Variants in MYZAP observed in about 807,000 individuals in gnomAD.
The protein encoded by MYZAP is myocardial zonula adherens protein.
MYZAP carries 66 observed loss-of-function variants against 69.4 expected under a neutral mutation model. That is an observed-to-expected ratio of 0.95 (90% confidence interval 0.78 to 1.17). The LOEUF is 1.17. Among genes scored for constraint, MYZAP ranks in the 50% most tolerant of loss-of-function variants. The pLI, the probability that MYZAP is intolerant of heterozygous loss-of-function variation, is 0.00. For missense variants in MYZAP, 611 were observed against 556.2 expected, an observed-to-expected ratio of 1.10 and a Z score of -0.99; for synonymous variants, 256 against 205.9, an observed-to-expected ratio of 1.24 and a Z score of -2.09.
chr15:57,670,440 A>T (rs2038815127), intron 11 of MYZAP, among the ~76,000 whole-genome samples: 1 of 152,080 alleles, frequency 6.6e-6, no homozygotes, highest in Non-Finnish European at 1.5e-5. Flanking sequence ...CGTGCTATAT[A>T]TTATTCCAGC....
intron 8 of MYZAP, among the ~76,000 whole-genome samples, chr15:57,636,608 G>T (rs567705834): frequency 6.6e-6 from 1 of 152,150 alleles, no homozygotes; most frequent in Non-Finnish European, 1.5e-5. Context: ...ATTAGTGAGC[G>T]TTATTTGATA....
intron 1 of MYZAP, among the ~76,000 whole-genome samples, chr15:57,598,023 C>T (rs1367678982): frequency 6.6e-6 from 1 of 152,196 alleles, no homozygotes; most frequent in East Asian, 1.9e-4. Context: ...GGCTAATTTC[C>T]TTAGGGAAAT....
intron 3 of MYZAP, among the ~76,000 whole-genome samples, chr15:57,618,921 G>A (rs187823000): frequency 1.3e-5 from 2 of 152,314 alleles, no homozygotes; most frequent in Non-Finnish European, 2.9e-5. Flanking sequence ...TTACAGACCA[G>A]TGGCTTAGAA....
intron 1 of MYZAP, among the ~76,000 whole-genome samples, chr15:57,602,235 C>T (rs1029092831): frequency 6.6e-6 from 1 of 152,160 alleles, no homozygotes; most frequent in Non-Finnish European, 1.5e-5. Context: ...TGAAAACTAC[C>T]ACAACGCCAT....
At chr15:57,677,203 G>A (rs1595943536) in intron 12 of MYZAP, among the ~76,000 whole-genome samples, 2 of 152,330 alleles carry the variant, frequency 1.3e-5, no homozygotes, top group East Asian at 3.9e-4. Context: ...GGATGAGGAG[G>A]GTTAGTGAGC....
intron 3 of MYZAP, among the ~76,000 whole-genome samples, chr15:57,620,544 T>C (rs1356028801): frequency 6.6e-6 from 1 of 152,256 alleles, no homozygotes; most frequent in Non-Finnish European, 1.5e-5. Context: ...TTTAAGGTCC[T>C]GCTAGCCCTC....
chr15:57,612,307 C>T (rs1214819806), intron 2 of MYZAP, among the ~76,000 whole-genome samples: 10 of 152,244 alleles, frequency 6.6e-5, no homozygotes, highest in Non-Finnish European at 1.2e-4. Context: ...GACCAGCTGC[C>T]CCTCCTGGCT....
At chr15:57,674,649 A>C (rs1277094677) in intron 11 of MYZAP, among the ~76,000 whole-genome samples, 8 of 152,258 alleles carry the variant, frequency 5.3e-5, no homozygotes, top group Non-Finnish European at 1.2e-4. Flanking sequence ...TGTTGACATA[A>C]AAAGAAAACT....
In MYZAP at chr15:57,632,541, T is replaced by C. The variant is rs2036569924; in HGVS notation, c.786T>C (p.Ala262=). The change falls in exon 7 of 13, where the codon GCT becomes GCC. Residue 262 remains alanine (A), a synonymous_variant. Transcript: ENST00000267853. ...AGGAAGAACAGAGGAAGCACAGTGC[T>C]GAGAAGGAGGCTCTTTTGGTGTGTG... is the stretch of plus-strand genomic sequence containing the variant. ...KLQEEQRKHS[A]EKEALLEETN... 2 of 1,614,180 alleles carry C rather than the reference T, an allele frequency of 1.2e-6. No individual in the cohort carries two copies. The highest frequency in any genetic ancestry group is 1.3e-5 in the African/African-American group (1 of 75,058).
chr15:57,602,057 A>G (rs534862779), intron 1 of MYZAP, among the ~76,000 whole-genome samples: 1 of 152,112 alleles, frequency 6.6e-6, no homozygotes, highest in Non-Finnish European at 1.5e-5. Flanking sequence ...GGTTTCTTCA[A>G]AGGTGGGCAG....
Position 57,603,799 on chromosome 15 carries a change from A to T in MYZAP, c.76-470A>T, listed in dbSNP as rs568869809. Among the ~76,000 whole-genome samples the T allele has an allele frequency of 5.3e-5, 8 of 152,294 alleles. No individual in the cohort carries two copies. In the South Asian group the frequency reaches 1.2e-3, roughly 24 times the overall value. ...GGATAATGCTGCTATGAACATGGGT[A>T]TATGGACTTTTTTGAAAAAAAGTTG... On this transcript the variant is annotated intron_variant, in intron 1 of 12. Transcript: ENST00000267853.
intron 11 of MYZAP, among the ~76,000 whole-genome samples, chr15:57,672,930 A>G (rs182098945): frequency 1.3e-5 from 2 of 152,158 alleles, no homozygotes; most frequent in East Asian, 3.9e-4. Context: ...ACATCGTTCT[A>G]TTATTTGCTG....
intron 8 of MYZAP, among the ~76,000 whole-genome samples, chr15:57,635,092 T>A (rs1206931484): frequency 3.3e-5 from 5 of 152,086 alleles, no homozygotes; most frequent in African/African-American, 1.2e-4. Flanking sequence ...AAACCACAGG[T>A]AGTGGTCATG....
Position 57,647,037 on chromosome 15 carries a change from A to G in MYZAP, c.1119+7492A>G, listed in dbSNP as rs553981594. The G allele has an allele frequency of 1.9e-3, 1,870 of 985,330 alleles. 3 individuals are homozygous for G. The highest frequency in any genetic ancestry group is 2.1e-3 in the Non-Finnish European group (1,771 of 829,930). The allele number at this position is 985,330 out of a possible 1,614,324, so 61.0% of individuals were successfully genotyped here. ...GGCATGAGTCTACATAAGCTGGGAG[A>G]TGGGGCTCGTGGAGTGAGTGCGTTC... is the stretch of plus-strand genomic sequence containing the variant. On this transcript the variant is annotated intron_variant, in intron 10 of 12. Transcript: ENST00000267853.
chr15:57,625,055 C>CTT (rs537378113), intron 4 of MYZAP, among the ~76,000 whole-genome samples: 9 of 143,596 alleles, frequency 6.3e-5, no homozygotes, highest in African/African-American at 2.3e-4. Context: ...CAAAACAACT[C>CTT]TTTTTTTTTT....
chr15:57,682,570 C>T (rs1025927973), intron 12 of MYZAP, among the ~76,000 whole-genome samples: 1 of 152,150 alleles, frequency 6.6e-6, no homozygotes, highest in Admixed American at 6.5e-5. Context: ...CCCTAGTCAA[C>T]CCTCGATAGT....
At chr15:57,666,103 C>T (rs753833524) in intron 11 of MYZAP, among the ~76,000 whole-genome samples, 2 of 152,210 alleles carry the variant, frequency 1.3e-5, no homozygotes, top group Non-Finnish European at 2.9e-5. Flanking sequence ...CTTAATTACT[C>T]AACCTTTTGG....
At chr15:57,678,594 A>T (rs1262859519) in intron 12 of MYZAP, among the ~76,000 whole-genome samples, 1 of 152,152 alleles carries the variant, frequency 6.6e-6, no homozygotes, top group Non-Finnish European at 1.5e-5. Flanking sequence ...TAGCCTGATC[A>T]AGTATATAGT....
intron 5 of MYZAP, among the ~76,000 whole-genome samples, chr15:57,628,749 C>T (rs2036308097): frequency 1.3e-5 from 2 of 152,160 alleles, no homozygotes; most frequent in African/African-American, 2.4e-5. Flanking sequence ...TTGTCACTAT[C>T]CTGGCAGGCA....
Sources: gnomAD v4.1 joint callset for allele counts (sites outside exome capture counted in the v4.1 genomes callset) on GRCh38, gnomAD v4.1.1 for gene constraint, MANE v1.5 for transcripts, NCBI Gene and HGNC (gene_info 2026-07-23, HGNC 2026-07-21) for gene names.